Variants in SPAG17 observed in about 807,000 individuals in gnomAD.
SPAG17 encodes sperm-associated antigen 17.
In SPAG17, 169 loss-of-function variants were observed where a neutral mutation model predicts 273.6. That is an observed-to-expected ratio of 0.62 (90% confidence interval 0.55 to 0.70). The LOEUF is 0.70. Ranked by LOEUF, SPAG17 falls within the 30% of genes least tolerant of loss-of-function variation. SPAG17 has a pLI of 0.00. For missense variants in SPAG17, 2,557 were observed against 2,627.8 expected, an observed-to-expected ratio of 0.97 and a Z score of 0.59; for synonymous variants, 825 against 873.2, an observed-to-expected ratio of 0.94 and a Z score of 0.97.
chr1:118,029,603 G>A (rs913049100), intron 25 of SPAG17, among the ~76,000 whole-genome samples: 3 of 152,182 alleles, frequency 2.0e-5, no homozygotes, highest in Non-Finnish European at 4.4e-5. Context: ...GGGTTTGGGT[G>A]TGTTTACTTT....
rs191746341 is a variant in SPAG17, at chr1:118,062,589, T to C, written c.2540+4156A>G. On this transcript the variant is annotated intron_variant, in intron 18 of 48. Transcript: ENST00000336338. ...AAGATATAACAATTCTAATACTGTA[T>C]TTGTTTAATAATATAACCTCCATAT... Among the ~76,000 whole-genome samples, 6 of 152,150 alleles carry C rather than the reference T, an allele frequency of 3.9e-5. No individual in the cohort carries two copies. The East Asian group carries it at 9.6e-4, about 24-fold the overall frequency.
intron 35 of SPAG17, 61 bp downstream of exon 35, chr1:117,994,345 T>G (rs1657424566): frequency 2.6e-6 from 4 of 1,522,016 alleles, no homozygotes; most frequent in Non-Finnish European, 3.5e-6. Flanking sequence ...AAGACTCTGG[T>G]CCATTGCCCT....
Position 118,046,131 on chromosome 1 carries a change from G to A in SPAG17, c.2815-4089C>T, listed in dbSNP as rs539255984. On this transcript the variant is annotated intron_variant, in intron 20 of 48. Transcript: ENST00000336338. The stretch of plus-strand genomic sequence containing the variant: ...GGAGGAGGTTTGCTTGAGGCCAGGG[G>A]TTCAAGACCAGCCTGGGCAACATAG... 3.9e-5 allele frequency among the ~76,000 whole-genome samples: 6 copies of A among 152,108 alleles called. No individual in the cohort carries two copies. The South Asian group carries it at 1.2e-3, about 32-fold the overall frequency.
chr1:117,968,826 C>T (rs928264867), intron 46 of SPAG17, among the ~76,000 whole-genome samples: 1 of 152,230 alleles, frequency 6.6e-6, no homozygotes, highest in African/African-American at 2.4e-5. Flanking sequence ...CCTATGCACT[C>T]TTCGCATCTG....
Position 118,066,875 on chromosome 1 carries a change from A to T in SPAG17, c.2410T>A (p.Tyr804Asn), listed in dbSNP as rs1557980436. Residue 804 changes from tyrosine (Y) to asparagine (N), a missense_variant, in exon 18 of 49, where the codon TAT becomes AAT. Physicochemically the swap from Tyr to Asn is moderately radical, Grantham distance 143 (BLOSUM62 -2). Coordinates refer to ENST00000336338, the MANE Select transcript of SPAG17 (RefSeq NM_206996.4). ...LQVLQEAHKQYRCVDSYYHTQ... is the reference protein window; with the variant it reads ...LQVLQEAHKQNRCVDSYYHTQ... Reference sequence around the variant, plus strand: ...TGGTAGTAAGAATCAACACACCTATATTGCTTATGGGCTTCTTGAAGGACC... The same window carrying T: ...TGGTAGTAAGAATCAACACACCTATTTTGCTTATGGGCTTCTTGAAGGACC... The T allele has an allele frequency of 6.2e-7, 1 of 1,612,154 alleles. No individual in the cohort carries two copies. The highest frequency in any genetic ancestry group is 8.5e-7 in the Non-Finnish European group (1 of 1,179,460).
intron 18 of SPAG17, among the ~76,000 whole-genome samples, chr1:118,064,334 C>A (rs1419277645): frequency 2.0e-5 from 3 of 151,644 alleles, no homozygotes. Flanking sequence ...TTGGAACCAA[C>A]CCAAATGTCC....
rs1231871713 is a variant in SPAG17 at position 118,115,373 on chromosome 1, G to A, written c.384C>T (p.Leu128=). The change falls in exon 4 of 49, where the codon CTC becomes CTT. Residue 128 remains leucine (L), a synonymous_variant. Coordinates refer to ENST00000336338, the MANE Select transcript of SPAG17 (RefSeq NM_206996.4). ...TAATCTGGAGAAGTTGAAATTTCAA[G>A]AGTTTCCCTATCAGTGGTAAGGTTA... The part of the protein sequence containing the change: ...EKLTLPLIGK[L]LKFQLLQIKF... 15 of 1,613,588 alleles carry A rather than the reference G, an allele frequency of 9.3e-6. No individual in the cohort carries two copies. The highest frequency in any genetic ancestry group is 1.3e-5 in the Non-Finnish European group (15 of 1,179,714).
At chr1:118,139,929 G>A (rs1658576525) in intron 3 of SPAG17, among the ~76,000 whole-genome samples, 1 of 152,074 alleles carries the variant, frequency 6.6e-6, no homozygotes, top group Non-Finnish European at 1.5e-5. Flanking sequence ...TTGCATTCAT[G>A]GATTACTGGG....
chr1:118,038,167 T>G (rs961965411), intron 23 of SPAG17, among the ~76,000 whole-genome samples: 1 of 152,082 alleles, frequency 6.6e-6, no homozygotes, highest in Non-Finnish European at 1.5e-5. Context: ...AAATGGCAAA[T>G]AAGCATATGA....
intron 48 of SPAG17, chr1:117,961,365 A>G (rs1051139434): frequency 6.6e-6 from 1 of 152,146 alleles, no homozygotes; most frequent in Non-Finnish European, 1.5e-5. Context: ...TGTCTACTGT[A>G]TATCTTCATG....
intron 3 of SPAG17, among the ~76,000 whole-genome samples, chr1:118,116,072 C>A (rs944806588): frequency 2.0e-5 from 3 of 152,176 alleles, no homozygotes; most frequent in Non-Finnish European, 4.4e-5. Flanking sequence ...TAGGAACATA[C>A]AGCTGTATTG....
chr1:118,081,719 G>C, intron 13 of SPAG17, 77 bp from the exon 14 acceptor site: 2 of 1,213,982 alleles, frequency 1.6e-6, no homozygotes, highest in Non-Finnish European at 2.4e-6. Flanking sequence ...GGGATAACCA[G>C]GGAGTCTGTC....
intron 44 of SPAG17, 82 bp downstream of exon 44, chr1:117,973,343 G>A (rs1654774791): frequency 1.3e-6 from 2 of 1,517,716 alleles, no homozygotes; most frequent in East Asian, 4.5e-5. Context: ...TACAAAAGGA[G>A]CAGGATTGAA....
At position 117,971,052 on chromosome 1, in the gene SPAG17, G is replaced by A. The variant is rs866205165; in HGVS notation, c.6326+811C>T. ...ATCTTTCAAACTGGATGCTTCTATC[G>A]TTTTTTTTTTATCTGATTTCCAATC... On this transcript the variant is annotated intron_variant, in intron 45 of 48. Transcript: ENST00000336338. Among the ~76,000 whole-genome samples the A allele has an allele frequency of 3.4e-4, 50 of 148,612 alleles. 1 individual carries two copies. Among genetic ancestry groups the A allele is most frequent in the Non-Finnish European group, 9.0e-5 (6 of 66,976 alleles).
chr1:118,030,599 A>T lies in SPAG17; in HGVS notation c.3609+1093T>A, dbSNP rs151187354. ...AATGCTCTCCTGCTCCTTGCCCTTG[A>T]CCCCCTGACAGGCCCCAGTGTGTGA... On this transcript the variant is annotated intron_variant, in intron 25 of 48. Coordinates refer to ENST00000336338, the MANE Select transcript of SPAG17 (RefSeq NM_206996.4). Among the ~76,000 whole-genome samples the T allele has an allele frequency of 9.3e-4, 141 of 151,528 alleles. 1 individual carries two copies. The East Asian group carries it at 0.022, about 24-fold the overall frequency.
chr1:118,028,184 A>T, intron 26 of SPAG17, 90 bp downstream of exon 26: 1 of 1,417,720 alleles, frequency 7.1e-7, no homozygotes, highest in Non-Finnish European at 9.6e-7. Context: ...AACAAGATGT[A>T]TGTTTAACTG....
rs189298298 is a variant in SPAG17, at chr1:117,988,017, T to C, written c.5621+88A>G. ...AAGGGCTGTGAATTCATTGATGTAG[T>C]CACCAAAAGTTATAGCACCTGCATA... On this transcript the variant is annotated intron_variant, in intron 39 of 48. Transcript: ENST00000336338. 9,763 of 1,410,542 alleles carry C rather than the reference T, an allele frequency of 6.9e-3. 51 individuals are homozygous for C. Among genetic ancestry groups the C allele is most frequent in the Admixed American group, 8.7e-3 (415 of 47,778 alleles). The allele number at this position is 1,410,542 out of a possible 1,614,324, so 87.4% of individuals were successfully genotyped here.
chr1:118,059,174 A>C (rs1018696615), intron 18 of SPAG17, among the ~76,000 whole-genome samples: 8 of 152,184 alleles, frequency 5.3e-5, no homozygotes, highest in Non-Finnish European at 1.2e-4. Flanking sequence ...AAAAAGTTAC[A>C]GACAATTGAT....
chr1:118,091,868 T>G (rs977212830), intron 9 of SPAG17, 62 bp downstream of exon 9: 8 of 1,532,100 alleles, frequency 5.2e-6, no homozygotes, highest in Non-Finnish European at 6.3e-6. Context: ...TGGAGGGCAG[T>G]CATTATCTCT....
Sources: gnomAD v4.1 joint callset for allele counts (sites outside exome capture counted in the v4.1 genomes callset) on GRCh38, gnomAD v4.1.1 for gene constraint, MANE v1.5 for transcripts, NCBI Gene and HGNC (gene_info 2026-07-23, HGNC 2026-07-21) for gene names.